Variants in FUT8 observed in about 807,000 individuals in gnomAD.
FUT8 encodes fucosyltransferase 8, also known as alpha-(1,6)-fucosyltransferase.
In FUT8, 29 loss-of-function variants were observed where a neutral mutation model predicts 71.3. That is an observed-to-expected ratio of 0.41 (90% confidence interval 0.30 to 0.55). The LOEUF is 0.55. FUT8 is among the 20% of genes least tolerant of loss of function. The probability of loss-of-function intolerance (pLI) is 0.34; values close to 1 mark genes in which losing one functional copy is unlikely to be tolerated. For synonymous variants in FUT8, 254 were observed against 239.3 expected, an observed-to-expected ratio of 1.06 and a Z score of -0.57; for missense variants, 544 against 702.1, an observed-to-expected ratio of 0.77 and a Z score of 2.55.
Position 65,603,959 on chromosome 14 carries a change from T to G in FUT8, c.204-12019T>G, listed in dbSNP as rs1252938684. Among the ~76,000 whole-genome samples the G allele has an allele frequency of 4.0e-5, 6 of 151,706 alleles. 1 individual carries two copies. Among genetic ancestry groups the G allele is most frequent in the Non-Finnish European group, 7.4e-5 (5 of 67,866 alleles). ...CCAAAGCGAGCAGGAGTAGCTATTC[T>G]TACATCAGACAAAACAAAAAACAAC... On this transcript the variant is annotated intron_variant, in intron 3 of 10. Coordinates refer to ENST00000673929, the MANE Select transcript of FUT8 (RefSeq NM_001371533.1). The surrounding 1 kb of genome is among the most constrained non-coding windows in gnomAD (Gnocchi z 4.5).
intron 7 of FUT8, among the ~76,000 whole-genome samples, chr14:65,674,831 G>A (rs979508853): frequency 6.6e-6 from 1 of 152,172 alleles, no homozygotes; most frequent in African/African-American, 2.4e-5. Context: ...TGGAGAGTGA[G>A]TTGGTACCAC....
At chr14:65,432,329 T>A (rs1049087352) in intron 1 of FUT8, among the ~76,000 whole-genome samples, 30 of 152,330 alleles carry the variant, frequency 2.0e-4, no homozygotes, top group Non-Finnish European at 4.1e-4. Context: ...ATTGTCATGC[T>A]GTCATGCTTA....
At chr14:65,707,957 G>A (rs566904566) in intron 7 of FUT8, among the ~76,000 whole-genome samples, 70 of 152,224 alleles carry the variant, frequency 4.6e-4, no homozygotes, top group African/African-American at 1.5e-3. Context: ...GGGTTTTTTA[G>A]TGAATTCATA....
the FUT8 span, among the ~76,000 whole-genome samples, chr14:65,388,856 G>C: frequency 6.6e-6 from 1 of 152,134 alleles, no homozygotes; most frequent in Admixed American, 6.5e-5. Flanking sequence ...CAAACACAGT[G>C]CAGCTGAGTG....
In FUT8 at chr14:65,489,516, A is replaced by T. The variant is rs536403218; in HGVS notation, c.-228+33798A>T. On this transcript the variant is annotated intron_variant, in intron 2 of 10. Coordinates refer to ENST00000673929, the MANE Select transcript of FUT8 (RefSeq NM_001371533.1). The surrounding 1 kb of genome is among the most constrained non-coding windows in gnomAD (Gnocchi z 4.0). ...TTCAGCCATTGAGAATGTTTTTATA[A>T]ATGGACAGATCAGTTACTTAAAAAG... 6.6e-6 allele frequency among the ~76,000 whole-genome samples: 1 copy of T among 152,158 alleles called. No homozygotes were observed. Among genetic ancestry groups the T allele is most frequent in the African/African-American group, 2.4e-5 (1 of 41,446 alleles).
the FUT8 span, among the ~76,000 whole-genome samples, chr14:65,365,753 A>C: frequency 0.027 from 4,117 of 152,288 alleles, 179 homozygotes; most frequent in African/African-American, 0.094. Flanking sequence ...TTAGCATGCA[A>C]TCAATAAATA....
chr14:65,433,161 C>T (rs2065502287), intron 1 of FUT8, among the ~76,000 whole-genome samples: 1 of 152,256 alleles, frequency 6.6e-6, no homozygotes, highest in East Asian at 1.9e-4. Flanking sequence ...AACAAAACTG[C>T]GAATTCTATC....
chr14:65,622,465 A>G (rs984662614), intron 5 of FUT8, among the ~76,000 whole-genome samples: 5 of 152,230 alleles, frequency 3.3e-5, no homozygotes, highest in African/African-American at 1.2e-4. Flanking sequence ...AAGACTCAAT[A>G]GGAAAAATGT....
intron 2 of FUT8, among the ~76,000 whole-genome samples, chr14:65,476,589 G>A (rs1034461703): frequency 2.0e-5 from 3 of 150,952 alleles, no homozygotes; most frequent in Admixed American, 1.3e-4. Flanking sequence ...TCTCACAAAG[G>A]AGAGGATCCT....
At chr14:65,733,703 C>G (rs1409995169) in intron 10 of FUT8, among the ~76,000 whole-genome samples, 1 of 152,182 alleles carries the variant, frequency 6.6e-6, no homozygotes, top group African/African-American at 2.4e-5. Flanking sequence ...TTAATACTTT[C>G]TAATTTTGCA....
At chr14:65,468,270 A>G in intron 2 of FUT8, 1 of 624,502 alleles carries the variant, frequency 1.6e-6, no homozygotes, top group Non-Finnish European at 3.0e-6. Flanking sequence ...TGGCCAAAGG[A>G]ACAACTCCAT....
At chr14:65,510,463 C>T (rs1236765220) in intron 2 of FUT8, among the ~76,000 whole-genome samples, 1 of 152,048 alleles carries the variant, frequency 6.6e-6, no homozygotes, top group East Asian at 1.9e-4. Context: ...TGGAAGTATT[C>T]CCCCTCCTCT....
Position 65,481,347 on chromosome 14 carries a change from C to T in FUT8, c.-228+25629C>T, listed in dbSNP as rs76470430. ...GGATACTTTTTAAAGATGCTAATCA[C>T]GTGAACTCCTTTTTAAGTGATTTAT... On this transcript the variant is annotated intron_variant, in intron 2 of 10. Transcript: ENST00000673929. 6.4e-3 allele frequency among the ~76,000 whole-genome samples: 975 copies of T among 152,152 alleles called. 14 individuals carry two copies. Among genetic ancestry groups the T allele is most frequent in the African/African-American group, 0.02 (832 of 41,512 alleles).
rs552178822 is a variant in FUT8 at position 65,584,826 on chromosome 14, G to T, written c.203+23060G>T. Among the ~76,000 whole-genome samples the T allele has an allele frequency of 2.6e-5, 4 of 152,286 alleles. No individual in the cohort carries two copies. In the South Asian group the frequency reaches 8.3e-4, roughly 32 times the overall value. ...TTAACTCCTTAGTTTGTGTATGTTT[G>T]TATTTGGCATCCAGTTTGTAAGACT... On this transcript the variant is annotated intron_variant, in intron 3 of 10. Coordinates refer to ENST00000673929, the MANE Select transcript of FUT8 (RefSeq NM_001371533.1).
At chr14:65,443,774 A>G (rs1343654032) in intron 1 of FUT8, among the ~76,000 whole-genome samples, 1 of 151,994 alleles carries the variant, frequency 6.6e-6, no homozygotes, top group Non-Finnish European at 1.5e-5. Flanking sequence ...ATCATGAGTA[A>G]TATAAACTCC....
chr14:65,525,530 A>AT (rs1262301897), intron 2 of FUT8, among the ~76,000 whole-genome samples: 19 of 152,076 alleles, frequency 1.2e-4, no homozygotes, highest in African/African-American at 4.8e-5. Context: ...GGATTCATTG[A>AT]TTTTTTGAAG....
chr14:65,506,635 G>A (rs957102857), intron 2 of FUT8, among the ~76,000 whole-genome samples: 3 of 152,100 alleles, frequency 2.0e-5, no homozygotes, highest in Non-Finnish European at 4.4e-5. Context: ...TTAAAAAAAT[G>A]TATTTTTAAT....
At chr14:65,529,621 T>A (rs1883796687) in intron 2 of FUT8, 1 of 152,838 alleles carries the variant, frequency 6.5e-6, no homozygotes, top group Non-Finnish European at 1.5e-5. Context: ...CTCTGGTGGT[T>A]GTGTTGGCTG....
chr14:65,673,955 T>C lies in FUT8; in HGVS notation c.835+4475T>C, dbSNP rs1227712505. Among the ~76,000 whole-genome samples, 3 of 152,178 alleles carry C rather than the reference T, an allele frequency of 2.0e-5. 1 individual carries two copies. Among genetic ancestry groups the C allele is most frequent in the Non-Finnish European group, 4.4e-5 (3 of 68,006 alleles). The stretch of plus-strand genomic sequence containing the variant: ...CACAAATGAAATTATACTTTCAGTC[T>C]TTCCTTTGATACTAATATTTTAACC... On this transcript the variant is annotated intron_variant, in intron 7 of 10. Transcript: ENST00000673929.
Sources: gnomAD v4.1 joint callset for allele counts (sites outside exome capture counted in the v4.1 genomes callset) on GRCh38, gnomAD v4.1.1 for gene constraint, Gnocchi (gnomAD v3.1) non-coding constraint, MANE v1.5 for transcripts, NCBI Gene and HGNC (gene_info 2026-07-23, HGNC 2026-07-21) for gene names.